The following GDPD1 variants were observed in gnomAD, a reference collection of about 807,000 sequenced individuals.
The protein encoded by GDPD1 is glycerophosphodiester phosphodiesterase domain containing 1, also known as lysophospholipase D GDPD1.
Under a neutral mutation model 45.1 loss-of-function variants are expected in GDPD1, and 28 were observed. The ratio of observed to expected loss-of-function variants is 0.62; its 90% CI spans 0.46 to 0.85. The LOEUF (loss-of-function observed/expected upper bound fraction) is 0.85, where lower values mean the gene tolerates loss of function less well. GDPD1 is among the 40% of genes least tolerant of loss of function. The pLI, the probability that GDPD1 is intolerant of heterozygous loss-of-function variation, is 0.00. For synonymous variants in GDPD1, 139 were observed against 131.4 expected (o/e 1.06, Z -0.40); for missense variants, 256 against 364.8 (o/e 0.70, Z 2.43).
chr17:59,238,746 T>G (rs1322713739), intron 2 of GDPD1, among the ~76,000 whole-genome samples: 3 of 152,158 alleles, frequency 2.0e-5, no homozygotes, highest in Admixed American at 6.6e-5. Flanking sequence ...GAATCTTTTC[T>G]TACTGATTTC....
rs35411377 is a variant in GDPD1 at position 59,274,512 on chromosome 17, C to CAA, written c.*762_*763dup. The stretch of plus-strand genomic sequence containing the variant: ...TGGGAGACAGAGTGAGACTCCGTCT[C>CAA]AAAAAAAAAAAAAAAAAAAAAAAAT... On this transcript the variant is annotated 3_prime_UTR_variant, in exon 10 of 10. Transcript: ENST00000284116. 0.016 allele frequency: 1,093 copies of CAA among 67,632 alleles called. 58 individuals carry two copies. The highest frequency in any genetic ancestry group is 0.044 in the African/African-American group (912 of 20,908). The allele number at this position is 67,632 out of a possible 1,614,324, so 4.2% of individuals were successfully genotyped here.
chr17:59,223,076 G>A (rs1316218672), intron 1 of GDPD1, among the ~76,000 whole-genome samples: 1 of 152,192 alleles, frequency 6.6e-6, no homozygotes, highest in Non-Finnish European at 1.5e-5. Context: ...TAAAGACTGT[G>A]TGCTAGATTA....
At chr17:59,265,929 G>A (rs2047395643) in intron 6 of GDPD1, among the ~76,000 whole-genome samples, 1 of 141,402 alleles carries the variant, frequency 7.1e-6, no homozygotes, top group Admixed American at 7.2e-5. Flanking sequence ...AAGGCATAGA[G>A]TTGTTTTCAC....
At chr17:59,231,304 T>C (rs1055552184) in intron 1 of GDPD1, among the ~76,000 whole-genome samples, 5 of 151,234 alleles carry the variant, frequency 3.3e-5, no homozygotes, top group Non-Finnish European at 7.4e-5. Context: ...AGAGTAAATA[T>C]GAAAACATTT....
rs556454259 is a variant in GDPD1 at position 59,264,173 on chromosome 17, A to G, written c.577-2868A>G. Reference sequence around the variant, plus strand: ...GTCACCATGCCTGGCTAATTTTTGTATTTTTTAGTAGAGACCGGGTTTCTC... The same window carrying G: ...GTCACCATGCCTGGCTAATTTTTGTGTTTTTTAGTAGAGACCGGGTTTCTC... On this transcript the variant is annotated intron_variant, in intron 6 of 9. Coordinates refer to ENST00000284116, the MANE Select transcript of GDPD1 (RefSeq NM_182569.4). 2.0e-5 allele frequency among the ~76,000 whole-genome samples: 3 copies of G among 150,532 alleles called. No individual in the cohort carries two copies. In the South Asian group the frequency reaches 6.3e-4, roughly 32 times the overall value.
At chr17:59,256,978 T>A in intron 4 of GDPD1, 144 bp from the exon 5 acceptor site, 1 of 444,116 alleles carries the variant, frequency 2.3e-6, no homozygotes, top group East Asian at 3.6e-5. Flanking sequence ...ATATCTAAGT[T>A]GTTGGATTTA....
At position 59,272,796 on chromosome 17, in the gene GDPD1, G is replaced by C; in HGVS notation, c.782G>C (p.Arg261Thr). Residue 261 changes from arginine (R) to threonine (T), a missense_variant, in exon 9 of 10, where the codon AGG becomes ACG. By Grantham distance (71) the Arg-to-Thr change is moderately conservative. Coordinates refer to ENST00000284116, the MANE Select transcript of GDPD1 (RefSeq NM_182569.4). ...LIWLSDLLLM[R>T]KALFDHLTAR... The stretch of plus-strand genomic sequence containing the variant: ...TTTTTCTTTTCTAGCTTACTAATGA[G>C]GAAAGCTTTGTTTGACCACCTAACT... 1 of 1,609,148 alleles carries C rather than the reference G, an allele frequency of 6.2e-7. No homozygotes were observed.
At chr17:59,255,787 G>C (rs1192353556) in intron 4 of GDPD1, among the ~76,000 whole-genome samples, 3 of 33,492 alleles carry the variant, frequency 9.0e-5, no homozygotes, top group Admixed American at 3.3e-4. Context: ...ATATATATAC[G>C]CGTATATATG....
intron 2 of GDPD1, among the ~76,000 whole-genome samples, chr17:59,239,293 T>C (rs887147569): frequency 1.3e-5 from 2 of 152,254 alleles, no homozygotes; most frequent in Non-Finnish European, 2.9e-5. Context: ...TAAGTTGTTA[T>C]GCATTGTTTC....
chr17:59,252,966 C>G (rs1274796497), intron 4 of GDPD1, among the ~76,000 whole-genome samples: 1 of 152,182 alleles, frequency 6.6e-6, no homozygotes, highest in Non-Finnish European at 1.5e-5. Flanking sequence ...TGCACTTCAG[C>G]CTGGGCAACA....
chr17:59,271,253 T>C (rs1183836856), intron 8 of GDPD1, among the ~76,000 whole-genome samples: 3 of 152,240 alleles, frequency 2.0e-5, no homozygotes, highest in African/African-American at 7.2e-5. Flanking sequence ...AATTATTTAC[T>C]TGGGGTTATC....
chr17:59,229,137 ATT>A (rs1233493877), intron 1 of GDPD1, among the ~76,000 whole-genome samples: 1 of 136,784 alleles, frequency 7.3e-6, no homozygotes, highest in Non-Finnish European at 1.5e-5. Context: ...TATTATTATT[ATT>A]ATTATTATTA....
At chr17:59,251,452 G>A (rs2047253007) in intron 4 of GDPD1, among the ~76,000 whole-genome samples, 1 of 151,786 alleles carries the variant, frequency 6.6e-6, no homozygotes, top group African/African-American at 2.4e-5. Flanking sequence ...CTGGGAGGCA[G>A]AGGTTGCAGT....
In GDPD1 at chr17:59,274,792, A is replaced by G. The variant is rs1418273715; in HGVS notation, c.*1019A>G. Among the ~76,000 whole-genome samples, 1 of 151,900 alleles carries G rather than the reference A, an allele frequency of 6.6e-6. No individual in the cohort carries two copies. The highest frequency in any genetic ancestry group is 1.5e-5 in the Non-Finnish European group (1 of 67,986). On this transcript the variant is annotated 3_prime_UTR_variant, in exon 10 of 10. Coordinates refer to ENST00000284116, the MANE Select transcript of GDPD1 (RefSeq NM_182569.4). ...GACTCCGTCTCAAAAAAAGAAAAAA[A>G]GAAAAAAAATTGGCAATAGTCTTCA...
intron 1 of GDPD1, among the ~76,000 whole-genome samples, chr17:59,227,599 A>G (rs1229821228): frequency 1.3e-5 from 2 of 152,106 alleles, no homozygotes; most frequent in South Asian, 2.1e-4. Flanking sequence ...CCAAGTACCT[A>G]TTCTTTACCA....
At position 59,234,543 on chromosome 17, in the gene GDPD1, G is replaced by A. The variant is rs772272278; in HGVS notation, c.185+9G>A. On this transcript the variant is annotated intron_variant, in intron 2 of 9. Transcript: ENST00000284116. ...ATGGCAGCCTTTCAGCAGTAAGTAT[G>A]TAAAAAAGGTAAAAGGTACTCTTTT... The A allele has an allele frequency of 1.3e-5, 21 of 1,579,300 alleles. No homozygotes were observed. The highest frequency in any genetic ancestry group is 6.7e-5 in the African/African-American group (5 of 74,202).
intron 2 of GDPD1, among the ~76,000 whole-genome samples, chr17:59,237,417 T>A (rs1018067754): frequency 6.6e-6 from 1 of 151,792 alleles, no homozygotes; most frequent in African/African-American, 2.4e-5. Context: ...AATAAATAAA[T>A]AAAAATAAAT....
At chr17:59,221,914 A>C (rs2047008255) in intron 1 of GDPD1, among the ~76,000 whole-genome samples, 1 of 152,206 alleles carries the variant, frequency 6.6e-6, no homozygotes, top group South Asian at 2.1e-4. Flanking sequence ...GAAGTACATT[A>C]TCATTCTTCT....
In GDPD1 at chr17:59,274,802, T is replaced by A. The variant is rs924768324; in HGVS notation, c.*1029T>A. On this transcript the variant is annotated 3_prime_UTR_variant, in exon 10 of 10. Coordinates refer to ENST00000284116, the MANE Select transcript of GDPD1 (RefSeq NM_182569.4). ...CAAAAAAAGAAAAAAAGAAAAAAAA[T>A]TGGCAATAGTCTTCACTGGAATACA... Among the ~76,000 whole-genome samples, 6 of 151,158 alleles carry A rather than the reference T, an allele frequency of 4.0e-5. No individual in the cohort carries two copies. Among genetic ancestry groups the A allele is most frequent in the African/African-American group, 1.5e-4 (6 of 41,174 alleles).
Sources: allele counts gnomAD v4.1 joint callset (sites outside exome capture counted in the v4.1 genomes callset), GRCh38; gene constraint gnomAD v4.1.1; transcripts MANE v1.5; gene names NCBI Gene and HGNC (gene_info 2026-07-23, HGNC 2026-07-21).